Variants in PI4KA observed in about 807,000 individuals in gnomAD.
PI4KA encodes the protein phosphatidylinositol 4-kinase alpha, also known as PI4-kinase alpha.
In PI4KA, 122 loss-of-function variants were observed where a neutral mutation model predicts 271.4. The ratio of observed to expected loss-of-function variants is 0.45; its 90% CI spans 0.39 to 0.52. The LOEUF is 0.52. Among genes scored for constraint, PI4KA ranks in the 20% least tolerant of loss-of-function variants. PI4KA has a pLI of 0.00. For missense variants in PI4KA, 1,969 were observed against 2,769.1 expected (o/e 0.71, Z 6.48); for synonymous variants, 1,041 against 1,078.8 (o/e 0.96, Z 0.69).
chr22:20,746,976 T>A (rs555438831), intron 29 of PI4KA, among the ~76,000 whole-genome samples: 2 of 152,134 alleles, frequency 1.3e-5, no homozygotes, highest in Admixed American at 1.3e-4. Context: ...TTGGAGAGAG[T>A]TGGGAAGCAC....
At chr22:20,731,907 C>T (rs1248162124) in intron 36 of PI4KA, among the ~76,000 whole-genome samples, 3 of 148,376 alleles carry the variant, frequency 2.0e-5, no homozygotes, top group Admixed American at 1.4e-4. Flanking sequence ...CCAGCCTGGG[C>T]GACAGAGTGA....
At chr22:20,821,993 T>C (rs1293101225) in intron 4 of PI4KA, among the ~76,000 whole-genome samples, 2 of 152,114 alleles carry the variant, frequency 1.3e-5, no homozygotes, top group Non-Finnish European at 2.9e-5. Flanking sequence ...CTACAAAACA[T>C]ACAAAAATTA....
chr22:20,787,900 A>G (rs1467873760), intron 19 of PI4KA, among the ~76,000 whole-genome samples: 1 of 152,186 alleles, frequency 6.6e-6, no homozygotes, highest in Non-Finnish European at 1.5e-5. Context: ...GGGTCTGTGC[A>G]GTACCCCAGA....
intron 1 of PI4KA, among the ~76,000 whole-genome samples, chr22:20,841,125 C>T (rs1298745403): frequency 6.6e-6 from 1 of 152,174 alleles, no homozygotes; most frequent in Non-Finnish European, 1.5e-5. Flanking sequence ...GGTGATACGC[C>T]CACCTCGGCC....
intron 32 of PI4KA, among the ~76,000 whole-genome samples, chr22:20,738,836 G>A (rs1929036166): frequency 6.6e-6 from 1 of 152,026 alleles, no homozygotes; most frequent in South Asian, 2.1e-4. Context: ...AGGAAGTGGG[G>A]TAAAAAGCAG....
At chr22:20,803,505 C>T (rs1465004357) in intron 12 of PI4KA, among the ~76,000 whole-genome samples, 185 bp from the exon 13 acceptor site, 1 of 152,152 alleles carries the variant, frequency 6.6e-6, no homozygotes, top group Non-Finnish European at 1.5e-5. Flanking sequence ...TCTCCTCCAC[C>T]TATAGGGGAC....
intron 32 of PI4KA, among the ~76,000 whole-genome samples, chr22:20,741,187 T>G (rs1568976056): frequency 6.6e-6 from 1 of 152,172 alleles, no homozygotes; most frequent in Non-Finnish European, 1.5e-5. Context: ...GTATCCACAG[T>G]GGCAATGGTA....
intron 30 of PI4KA, among the ~76,000 whole-genome samples, chr22:20,743,781 G>A (rs187509697): frequency 1.6e-4 from 25 of 152,198 alleles, no homozygotes; most frequent in African/African-American, 5.8e-4. Context: ...TAGGCTGGGC[G>A]CGGTGGCTCA....
rs749302136 is a variant in PI4KA at position 20,713,379 on chromosome 22, G to A, written c.5473C>T (p.Arg1825Cys). The change falls in exon 48 of 55, where the codon CGC becomes TGC. Residue 1825 changes from arginine to cysteine, a missense_variant. Around this residue, in one of 13 missense-constraint regions of PI4KA, gnomAD observed 388 missense variants for 521.5 expected, o/e 0.74. Coordinates refer to ENST00000255882, the MANE Select transcript of PI4KA (RefSeq NM_058004.4). Reference sequence around the variant, plus strand: ...CTGCACTCATCCTCGGAGTCTGAGCGGCACCGCAGACCTGCCCGCAGGGAG... The same window carrying A: ...CTGCACTCATCCTCGGAGTCTGAGCAGCACCGCAGACCTGCCCGCAGGGAG... ...SELEKEGLRCRSDSEDECSTQ... is the reference protein window; with the variant it reads ...SELEKEGLRCCSDSEDECSTQ... 4.5e-5 allele frequency: 71 copies of A among 1,576,638 alleles called. 1 individual carries two copies. In the South Asian group the frequency reaches 6.1e-4, roughly 14 times the overall value.
Position 20,710,133 on chromosome 22 carries a change from C to T in PI4KA, c.6084-136G>A, listed in dbSNP as rs1384576121. 6 of 681,286 alleles carry T rather than the reference C, an allele frequency of 8.8e-6. No homozygotes were observed. In the African/African-American group the frequency reaches 1.1e-4, roughly 12 times the overall value. 42.2% of individuals were successfully genotyped at this position (681,286 alleles called of 1,614,324 possible). A position where few individuals can be genotyped will look rare whatever the true frequency, so the allele number is the denominator to read the frequency against. ...CCCACCTCGCCTGCCACATCTTGCA[C>T]ATCCCCGAGGCAACTTTCGATCTGC... On this transcript the variant is annotated intron_variant, in intron 52 of 54. Transcript: ENST00000255882.
chr22:20,780,597 G>A (rs2147486270), intron 19 of PI4KA, among the ~76,000 whole-genome samples: 1 of 152,132 alleles, frequency 6.6e-6, no homozygotes, highest in African/African-American at 2.4e-5. Flanking sequence ...CCAACATGGT[G>A]AAAACCTGGC....
At chr22:20,823,550 A>G (rs1352652354) in intron 4 of PI4KA, among the ~76,000 whole-genome samples, 1 of 152,252 alleles carries the variant, frequency 6.6e-6, no homozygotes, top group Non-Finnish European at 1.5e-5. Context: ...AAAGAACAGG[A>G]AAGTATGAAA....
At chr22:20,762,095 T>A (rs1394769713) in intron 22 of PI4KA, among the ~76,000 whole-genome samples, 1 of 152,098 alleles carries the variant, frequency 6.6e-6, no homozygotes, top group African/African-American at 2.4e-5. Flanking sequence ...GTAAAAAAAA[T>A]ATCTTTAACC....
intron 43 of PI4KA, among the ~76,000 whole-genome samples, chr22:20,720,042 A>C (rs941764654): frequency 1.3e-5 from 2 of 150,726 alleles, no homozygotes; most frequent in African/African-American, 2.4e-5. Flanking sequence ...AAAAAAAAAA[A>C]AAAAAAAAAC....
At chr22:20,733,884 C>T in intron 34 of PI4KA, 41 bp from the exon 35 acceptor site, 1 of 1,611,900 alleles carries the variant, frequency 6.2e-7, no homozygotes, top group South Asian at 1.1e-5. Flanking sequence ...AGGAGCCTGG[C>T]CTGGGGCCAA....
chr22:20,839,107 C>T (rs1183496456), intron 1 of PI4KA, among the ~76,000 whole-genome samples: 1 of 152,130 alleles, frequency 6.6e-6, no homozygotes, highest in African/African-American at 2.4e-5. Context: ...GTCCCAGCTA[C>T]TTGGGAGGCT....
chr22:20,803,411 C>A, intron 12 of PI4KA, 91 bp from the exon 13 acceptor site: 1 of 1,505,200 alleles, frequency 6.6e-7, no homozygotes, highest in Non-Finnish European at 9.1e-7. Context: ...CTTCAGTACC[C>A]AAGTCTGACC....
At chr22:20,783,802 T>C (rs535616362) in intron 19 of PI4KA, among the ~76,000 whole-genome samples, 2 of 152,288 alleles carry the variant, frequency 1.3e-5, no homozygotes, top group Admixed American at 1.3e-4. Context: ...CCTCTCTTGT[T>C]AGAAATGCAA....
At chr22:20,838,227 G>C (rs1391891458) in intron 2 of PI4KA, among the ~76,000 whole-genome samples, 1 of 151,782 alleles carries the variant, frequency 6.6e-6, no homozygotes, top group Non-Finnish European at 1.5e-5. Context: ...AAATGATTTT[G>C]TCCTTTTGGA....
Sources: allele counts gnomAD v4.1 joint callset (sites outside exome capture counted in the v4.1 genomes callset), GRCh38; gene constraint gnomAD v4.1.1; regional missense constraint gnomAD v4.1.1; transcripts MANE v1.5; gene names NCBI Gene and HGNC (gene_info 2026-07-23, HGNC 2026-07-21).